PKHD1: variants seen among roughly 807,000 people sequenced by gnomAD.
The protein encoded by PKHD1 is PKHD1 ciliary IPT domain containing fibrocystin/polyductin, also known as fibrocystin.
A neutral mutation model predicts 412.0 loss-of-function variants in PKHD1; 291 were observed. That is an observed-to-expected ratio of 0.71 (90% CI 0.64 to 0.78). PKHD1 has a LOEUF of 0.78. Ranked by LOEUF, PKHD1 falls within the 30% of genes least tolerant of loss-of-function variation. The pLI is 0.00. For missense variants in PKHD1, 4,825 were observed against 4,950.7 expected (o/e 0.97, Z 0.76); for synonymous variants, 1,777 against 1,821.5 (o/e 0.98, Z 0.62).
intron 61 of PKHD1, among the ~76,000 whole-genome samples, chr6:51,651,950 C>T (rs1186611247): frequency 6.6e-6 from 1 of 152,128 alleles, no homozygotes. Context: ...GAGTGATGTC[C>T]AAACATCATT....
In PKHD1 at chr6:51,839,919, T is replaced by C. The variant is rs535390621; in HGVS notation, c.8108-3450A>G. ...CTGCAATCAGTGTCTGCAAATGTCA[T>C]GCAGTCCCACCCTGACTCATGACTT... On this transcript the variant is annotated intron_variant, in intron 50 of 66. Coordinates refer to ENST00000371117, the MANE Select transcript of PKHD1 (RefSeq NM_138694.4). 1.5e-3 allele frequency among the ~76,000 whole-genome samples: 232 copies of C among 152,130 alleles called. 1 individual carries two copies. Among genetic ancestry groups the C allele is most frequent in the Admixed American group, 5.1e-3 (78 of 15,268 alleles).
In PKHD1 at chr6:51,748,063, C is replaced by T. The variant is rs145651593; in HGVS notation, c.9553G>A (p.Val3185Ile). Residue 3185 changes from valine (V) to isoleucine (I), a missense_variant, in exon 58 of 67, where the codon GTA becomes ATA. Val to Ile is a conservative substitution (Grantham distance 29, BLOSUM62 3). Coordinates refer to ENST00000371117, the MANE Select transcript of PKHD1 (RefSeq NM_138694.4). ...ACGGAATTTTGTGGAGCAGAAAATA[C>T]ATACACTACTGCCAAAAGACCAATA... ...NTIGLLAVVYVFSAPQNSVKK... is the reference protein window; with the variant it reads ...NTIGLLAVVYIFSAPQNSVKK... 1.2e-4 allele frequency: 201 copies of T among 1,614,048 alleles called. No individual in the cohort carries two copies. In the African/African-American group the frequency reaches 2.3e-3, roughly 19 times the overall value.
chr6:52,022,308 T>C (rs775636507), intron 33 of PKHD1, among the ~76,000 whole-genome samples: 1 of 152,228 alleles, frequency 6.6e-6, no homozygotes, highest in Non-Finnish European at 1.5e-5. Context: ...ACATGAGTGT[T>C]GGCTCTTTTG....
chr6:51,870,379 A>G, intron 47 of PKHD1, 125 bp downstream of exon 47: 1 of 868,294 alleles, frequency 1.2e-6, no homozygotes, highest in East Asian at 2.6e-5. Context: ...TTTAAGCAAC[A>G]GTTTCTACTG....
intron 27 of PKHD1, among the ~76,000 whole-genome samples, chr6:52,039,476 T>G (rs1319655822): frequency 6.6e-6 from 1 of 152,226 alleles, no homozygotes; most frequent in African/African-American, 2.4e-5. Context: ...TTGCTTCCCC[T>G]TCACCTTCTG....
chr6:51,715,782 A>T (rs1038028865), intron 60 of PKHD1, among the ~76,000 whole-genome samples: 3 of 152,206 alleles, frequency 2.0e-5, no homozygotes, highest in Admixed American at 2.0e-4. Context: ...ACTCATCTAC[A>T]CAGAGGAGCT....
intron 51 of PKHD1, among the ~76,000 whole-genome samples, chr6:51,832,935 T>C (rs1348121652): frequency 6.6e-6 from 1 of 152,154 alleles, no homozygotes; most frequent in African/African-American, 2.4e-5. Context: ...AGGCAATGTC[T>C]TGGAATAAGC....
At chr6:51,883,970 G>C (rs1267222075) in intron 45 of PKHD1, among the ~76,000 whole-genome samples, 2 of 152,110 alleles carry the variant, frequency 1.3e-5, no homozygotes, top group African/African-American at 4.8e-5. Context: ...GAAGATGCTG[G>C]CCTCTCAATC....
chr6:52,033,820 G>A (rs1396318137), intron 28 of PKHD1, among the ~76,000 whole-genome samples: 1 of 151,918 alleles, frequency 6.6e-6, no homozygotes. Context: ...AAAAGATATT[G>A]GATTTAACTT....
chr6:51,787,236 A>G (rs942094579), intron 53 of PKHD1, among the ~76,000 whole-genome samples: 4 of 151,968 alleles, frequency 2.6e-5, no homozygotes, highest in African/African-American at 9.7e-5. Flanking sequence ...GCGAGCAGCT[A>G]TAATCCCAGC....
chr6:51,945,871 C>T (rs1789381418), intron 36 of PKHD1, among the ~76,000 whole-genome samples: 1 of 152,212 alleles, frequency 6.6e-6, no homozygotes, highest in Admixed American at 6.5e-5. Context: ...TATCCATTTG[C>T]ACAAACCTTC....
chr6:52,072,487 T>C (rs1271434455), intron 7 of PKHD1, among the ~76,000 whole-genome samples: 3 of 152,198 alleles, frequency 2.0e-5, no homozygotes, highest in Non-Finnish European at 4.4e-5. Context: ...CATTTATGCC[T>C]TTATTCCCCC....
chr6:51,627,184 T>A, intron 65 of PKHD1, 68 bp from the exon 66 acceptor site: 2 of 1,441,800 alleles, frequency 1.4e-6, no homozygotes, highest in Non-Finnish European at 1.9e-6. Context: ...CATTTAGGTG[T>A]TTCCCTTGTA....
chr6:51,888,868 C>A (rs542321589), intron 43 of PKHD1, among the ~76,000 whole-genome samples: 3 of 150,314 alleles, frequency 2.0e-5, no homozygotes, highest in African/African-American at 4.9e-5. Context: ...TGAGAAAAAT[C>A]GGGGCCCTAT....
chr6:51,823,988 T>C (rs12528900), intron 52 of PKHD1, among the ~76,000 whole-genome samples: 8,258 of 152,180 alleles, frequency 0.054, 233 homozygotes, highest in South Asian at 0.07. Context: ...ATTTTAGGGG[T>C]CAACTTAAAA....
chr6:51,883,031 G>A, intron 46 of PKHD1, 62 bp downstream of exon 46: 2 of 1,291,058 alleles, frequency 1.5e-6, no homozygotes, highest in East Asian at 2.3e-5. Flanking sequence ...ATCATCAGGG[G>A]GCCCAGCACA....
intron 46 of PKHD1, among the ~76,000 whole-genome samples, chr6:51,880,826 C>T (rs200113274): frequency 2.4e-5 from 3 of 123,922 alleles, no homozygotes; most frequent in Admixed American, 8.4e-5. Flanking sequence ...ATTAGCCAGG[C>T]GTGGTGGCAG....
intron 52 of PKHD1, among the ~76,000 whole-genome samples, chr6:51,827,836 G>T (rs923329969): frequency 6.6e-6 from 1 of 152,060 alleles, no homozygotes; most frequent in Non-Finnish European, 1.5e-5. Flanking sequence ...TTGCTAAACT[G>T]AACTGGAAAG....
intron 50 of PKHD1, among the ~76,000 whole-genome samples, chr6:51,839,335 G>A (rs79621031): frequency 0.054 from 8,180 of 152,210 alleles, 232 homozygotes; most frequent in South Asian, 0.07. Flanking sequence ...TTAATCTTCC[G>A]TGTTTATAAA....
Sources: allele counts gnomAD v4.1 joint callset (sites outside exome capture counted in the v4.1 genomes callset), GRCh38; gene constraint gnomAD v4.1.1; transcripts MANE v1.5; gene names NCBI Gene and HGNC (gene_info 2026-07-23, HGNC 2026-07-21).